SSBP3: variants seen among roughly 807,000 people sequenced by gnomAD.
SSBP3 encodes the protein single-stranded DNA-binding protein 3.
A neutral mutation model predicts 69.6 loss-of-function variants in SSBP3; 5 were observed. That is an observed-to-expected ratio of 0.07 (90% confidence interval 0.04 to 0.15). The LOEUF (loss-of-function observed/expected upper bound fraction) is 0.15. SSBP3 is among the 10% of genes least tolerant of loss of function. The pLI, the probability that SSBP3 is intolerant of heterozygous loss-of-function variation, is 1.00. For synonymous variants in SSBP3, 196 were observed against 193.4 expected, an observed-to-expected ratio of 1.01 and a Z score of -0.11; for missense variants, 312 against 534.0, an observed-to-expected ratio of 0.58 and a Z score of 4.10.
chr1:54,396,802 C>T (rs1332724709), intron 4 of SSBP3, among the ~76,000 whole-genome samples: 1 of 152,156 alleles, frequency 6.6e-6, no homozygotes, highest in Non-Finnish European at 1.5e-5. Context: ...GGGTCCCCAC[C>T]ACTCCCCCCG....
intron 4 of SSBP3, among the ~76,000 whole-genome samples, chr1:54,308,239 A>AG (rs1460301908): frequency 1.3e-5 from 2 of 152,174 alleles, no homozygotes; most frequent in African/African-American, 4.8e-5. Context: ...AGATCACTTG[A>AG]GGTCAGCTGG....
chr1:54,368,933 C>T (rs1387322870), intron 4 of SSBP3, among the ~76,000 whole-genome samples: 1 of 152,188 alleles, frequency 6.6e-6, no homozygotes, highest in Non-Finnish European at 1.5e-5. Flanking sequence ...TCTGTGCTCT[C>T]TTCAAAGGTA....
At position 54,394,220 on chromosome 1, in the gene SSBP3, A is replaced by AACTTCAC. The variant is rs1266293712; in HGVS notation, c.276+7634_276+7640dup. Among the ~76,000 whole-genome samples the AACTTCAC allele has an allele frequency of 3.3e-5, 5 of 152,212 alleles. No homozygotes were observed. In the East Asian group the frequency reaches 9.6e-4, roughly 29 times the overall value. Reference sequence around the variant, plus strand: ...GCAGGCAGGTTTGAGTTCTACTGGAAACTTCACGCAGGGCACCTTTCCCTC... The same window carrying AACTTCAC: ...GCAGGCAGGTTTGAGTTCTACTGGAAACTTCACACTTCACGCAGGGCACCTTTCCCTC... On this transcript the variant is annotated intron_variant, in intron 4 of 17. Transcript: ENST00000610401.
At chr1:54,249,779 TAAAAG>T (rs1429608324) in intron 9 of SSBP3, among the ~76,000 whole-genome samples, 4 of 125,158 alleles carry the variant, frequency 3.2e-5, no homozygotes, top group Non-Finnish European at 1.7e-5. Context: ...TGATTCCTGT[TAAAAG>T]AAAAAAAAAA....
intron 4 of SSBP3, among the ~76,000 whole-genome samples, chr1:54,389,428 G>A (rs563262682): frequency 9.2e-5 from 14 of 152,012 alleles, no homozygotes; most frequent in Non-Finnish European, 1.6e-4. Flanking sequence ...GAGAAGCACC[G>A]CACCAGTCAG....
rs11551697 is a variant in SSBP3, at chr1:54,226,358, G to T, written c.*773C>A. ...CTCTGGCCACAGGATGAGGGTGCTG[G>T]GTTCTGGGGTCCAAGCGTGCCGCTG... On this transcript the variant is annotated 3_prime_UTR_variant, in exon 18 of 18. Transcript: ENST00000610401. 1,424 of 153,206 alleles carry T rather than the reference G, an allele frequency of 9.3e-3. 20 individuals carry two copies. The highest frequency in any genetic ancestry group is 0.032 in the African/African-American group (1,349 of 41,578). 9.5% of individuals were successfully genotyped at this position (153,206 alleles called of 1,614,324 possible).
intron 4 of SSBP3, 42 bp from the exon 5 acceptor site, chr1:54,281,569 A>G: frequency 6.6e-7 from 1 of 1,519,888 alleles, no homozygotes; most frequent in Non-Finnish European, 8.9e-7. Context: ...CCAAACCCAC[A>G]ACCAGAGACA....
chr1:54,339,578 A>G (rs1290749754), intron 4 of SSBP3, among the ~76,000 whole-genome samples: 1 of 152,128 alleles, frequency 6.6e-6, no homozygotes, highest in East Asian at 1.9e-4. Flanking sequence ...TAAAAAAAAA[A>G]ACATCATTGC....
chr1:54,274,612 A>G (rs923565625), intron 5 of SSBP3, among the ~76,000 whole-genome samples: 9 of 152,106 alleles, frequency 5.9e-5, no homozygotes, highest in African/African-American at 1.9e-4. Flanking sequence ...GCCACCAGTC[A>G]CAGGCAGGAA....
In SSBP3 at chr1:54,235,708, A is replaced by G. The variant is rs542766096; in HGVS notation, c.927+3421T>C. ...AGTGATCCTCTCACCTCGGCCTCCC[A>G]ACGTGCTCGGATTACAGGCATGAGC... On this transcript the variant is annotated intron_variant, in intron 14 of 17. Coordinates refer to ENST00000610401, the Ensembl canonical transcript of SSBP3. Among the ~76,000 whole-genome samples the G allele has an allele frequency of 3.9e-5, 6 of 152,036 alleles. No individual in the cohort carries two copies. In the South Asian group the frequency reaches 1.2e-3, roughly 32 times the overall value.
intron 14 of SSBP3, chr1:54,237,125 T>C (rs1644508038): frequency 6.6e-6 from 1 of 152,174 alleles, no homozygotes; most frequent in African/African-American, 2.4e-5. Context: ...CAAATCAACA[T>C]ACCTAAGAGC....
chr1:54,351,218 A>C (rs1167134275), intron 4 of SSBP3, among the ~76,000 whole-genome samples: 1 of 152,190 alleles, frequency 6.6e-6, no homozygotes, highest in Non-Finnish European at 1.5e-5. Flanking sequence ...CCTGAAAAGA[A>C]ATACTCGAAA....
At chr1:54,313,435 CTTTTTTTT>C (rs752753963) in intron 4 of SSBP3, among the ~76,000 whole-genome samples, 13 of 86,424 alleles carry the variant, frequency 1.5e-4, no homozygotes, top group African/African-American at 2.1e-4. Context: ...TGTGCCTGTG[CTTTTTTTT>C]TTTTTTTTTT....
At chr1:54,315,899 G>A (rs983884864) in intron 4 of SSBP3, among the ~76,000 whole-genome samples, 2 of 151,928 alleles carry the variant, frequency 1.3e-5, no homozygotes, top group Admixed American at 6.6e-5. Flanking sequence ...TGGTCTCAAG[G>A]AATCCTCCTG....
chr1:54,411,905 A>G (rs1460393990), intron 1 of SSBP3, among the ~76,000 whole-genome samples: 1 of 150,690 alleles, frequency 6.6e-6, no homozygotes, highest in Non-Finnish European at 1.5e-5. Flanking sequence ...AAAAAAAAAA[A>G]AAAAGCAGAA....
chr1:54,239,203 T>C lies in SSBP3; in HGVS notation c.857-4A>G, dbSNP rs375329751. On this transcript the variant is annotated splice_polypyrimidine_tract_variant and splice_region_variant and intron_variant, in intron 13 of 17. Transcript: ENST00000610401. ...TTGTCACTGGAATTTGTTGAATCTG[T>C]AGAACAGTGGAAACCCACAAGTCGG... 2.5e-6 allele frequency: 4 copies of C among 1,608,542 alleles called. No homozygotes were observed. Among genetic ancestry groups the C allele is most frequent in the East Asian group, 2.2e-5 (1 of 44,726 alleles).
chr1:54,404,300 C>A (rs1427501893), intron 3 of SSBP3, among the ~76,000 whole-genome samples: 1 of 152,194 alleles, frequency 6.6e-6, no homozygotes, highest in Non-Finnish European at 1.5e-5. Context: ...TTCAAACCCC[C>A]TGCCTAGAGC....
chr1:54,247,002 C>A (rs981804009), intron 9 of SSBP3, among the ~76,000 whole-genome samples: 1 of 152,240 alleles, frequency 6.6e-6, no homozygotes, highest in Non-Finnish European at 1.5e-5. Flanking sequence ...CCACTGGCAC[C>A]GCTCTGCAGG....
chr1:54,378,700 C>T (rs985538323), intron 4 of SSBP3, among the ~76,000 whole-genome samples: 2 of 152,114 alleles, frequency 1.3e-5, no homozygotes, highest in East Asian at 1.9e-4. Context: ...TCTGTTGTTT[C>T]GAGGGGAGTG....
Sources: gnomAD v4.1 joint callset for allele counts (sites outside exome capture counted in the v4.1 genomes callset) on GRCh38, gnomAD v4.1.1 for gene constraint, MANE v1.5 for transcripts, NCBI Gene and HGNC (gene_info 2026-07-23, HGNC 2026-07-21) for gene names.